The following WDR7 variants were observed in gnomAD, a reference collection of about 807,000 sequenced individuals.
WDR7 encodes the protein WD repeat domain 7, also known as WD repeat-containing protein 7.
A neutral mutation model predicts 169.4 loss-of-function variants in WDR7; 46 were observed. The observed-to-expected ratio is 0.27, with a 90% confidence interval of 0.21 to 0.35. The LOEUF (loss-of-function observed/expected upper bound fraction) is 0.35. Among genes scored for constraint, WDR7 ranks in the 10% least tolerant of loss-of-function variants. The pLI is 1.00. For missense variants in WDR7, 1,534 were observed against 1,859.3 expected (o/e 0.83, Z 3.22); for synonymous variants, 612 against 666.8 (o/e 0.92, Z 1.27).
intron 12 of WDR7, among the ~76,000 whole-genome samples, chr18:56,713,257 C>G (rs529735245): frequency 4.1e-4 from 62 of 152,172 alleles, no homozygotes; most frequent in African/African-American, 1.4e-3. Flanking sequence ...GGAAACCTTC[C>G]TAAGGATCTA....
chr18:57,033,968 G>A (rs1185490996), downstream of WDR7: 2 of 152,144 alleles, frequency 1.3e-5, no homozygotes, highest in Admixed American at 6.6e-5. Flanking sequence ...GGACAATGTG[G>A]TGAAACCCCA....
chr18:56,925,868 C>T (rs888133274), intron 22 of WDR7, among the ~76,000 whole-genome samples: 9 of 152,132 alleles, frequency 5.9e-5, no homozygotes, highest in African/African-American at 1.7e-4. Flanking sequence ...TCTCCCTAGC[C>T]GTATGCCCTC....
intron 14 of WDR7, among the ~76,000 whole-genome samples, chr18:56,741,304 A>G (rs1357305345): frequency 6.6e-6 from 1 of 152,126 alleles, no homozygotes; most frequent in Non-Finnish European, 1.5e-5. Flanking sequence ...TACAAATCCT[A>G]AATGTTATCG....
intron 1 of WDR7, among the ~76,000 whole-genome samples, chr18:56,664,313 G>A (rs999216703): frequency 5.3e-5 from 8 of 152,152 alleles, no homozygotes; most frequent in African/African-American, 1.9e-4. Context: ...GAAGCACCAA[G>A]TTAAAGACCA....
At chr18:56,776,597 T>C (rs775305965) in intron 16 of WDR7, among the ~76,000 whole-genome samples, 185 bp from the exon 17 acceptor site, 53 of 152,220 alleles carry the variant, frequency 3.5e-4, no homozygotes, top group Non-Finnish European at 7.1e-4. Context: ...TACTGTTCAA[T>C]AAAATATATC....
rs953725172 is a variant in WDR7 at position 56,800,997 on chromosome 18, T to C, written c.3191-15034T>C. Among the ~76,000 whole-genome samples the C allele has an allele frequency of 2.0e-5, 3 of 152,188 alleles. No homozygotes were observed. The South Asian group carries it at 6.2e-4, about 32-fold the overall frequency. Reference sequence around the variant, plus strand: ...AAACATATGTATGTGCACTAGCCCATGTATCCCCCACATATCTAGAATTAT... The same window carrying C: ...AAACATATGTATGTGCACTAGCCCACGTATCCCCCACATATCTAGAATTAT... On this transcript the variant is annotated intron_variant, in intron 19 of 27. Transcript: ENST00000254442.
At chr18:56,911,455 G>A (rs2046550573) in intron 21 of WDR7, among the ~76,000 whole-genome samples, 1 of 152,156 alleles carries the variant, frequency 6.6e-6, no homozygotes, top group Admixed American at 6.5e-5. Flanking sequence ...TGTGTAGAAA[G>A]GAAACATTTA....
intron 26 of WDR7, among the ~76,000 whole-genome samples, chr18:57,010,877 C>T (rs1054960962): frequency 1.3e-5 from 2 of 151,980 alleles, no homozygotes; most frequent in Non-Finnish European, 2.9e-5. Flanking sequence ...CCAGTTAAAT[C>T]GAAGGGAAAA....
At chr18:56,800,394 C>G (rs937594781) in intron 19 of WDR7, among the ~76,000 whole-genome samples, 1 of 152,128 alleles carries the variant, frequency 6.6e-6, no homozygotes, top group Non-Finnish European at 1.5e-5. Flanking sequence ...CCAGGCTGAA[C>G]TCAATATATT....
At position 56,844,973 on chromosome 18, in the gene WDR7, T is replaced by G. The variant is rs1015388672; in HGVS notation, c.3304+28829T>G. On this transcript the variant is annotated intron_variant, in intron 20 of 27. Coordinates refer to ENST00000254442, the MANE Select transcript of WDR7 (RefSeq NM_015285.3). ...ATTAGTTATTGTTAATGCCATTCTG[T>G]GCCTAATTTATAAGTTAAACTTTAT... Among the ~76,000 whole-genome samples the G allele has an allele frequency of 3.9e-5, 6 of 152,172 alleles. No homozygotes were observed. The East Asian group carries it at 1.2e-3, about 29-fold the overall frequency.
At chr18:57,025,454 A>G (rs1346610855) in intron 27 of WDR7, among the ~76,000 whole-genome samples, 2 of 152,150 alleles carry the variant, frequency 1.3e-5, no homozygotes, top group East Asian at 3.8e-4. Context: ...GTTTTTGGGA[A>G]AAGGAGAGAA....
chr18:56,917,252 G>A (rs768807557), intron 21 of WDR7, among the ~76,000 whole-genome samples: 3 of 152,050 alleles, frequency 2.0e-5, no homozygotes, highest in Non-Finnish European at 4.4e-5. Context: ...GTGAACTGAA[G>A]GTCCTACTAT....
intron 26 of WDR7, among the ~76,000 whole-genome samples, chr18:56,962,758 G>A (rs2047355588): frequency 1.3e-5 from 2 of 152,146 alleles, no homozygotes; most frequent in South Asian, 4.1e-4. Context: ...AGAGTAAGGT[G>A]GCACTGCTAA....
intron 26 of WDR7, among the ~76,000 whole-genome samples, chr18:56,986,110 G>T (rs1187160014): frequency 6.7e-6 from 1 of 149,364 alleles, no homozygotes; most frequent in Non-Finnish European, 1.5e-5. Flanking sequence ...AATTATAATA[G>T]AGCTAATTTC....
At chr18:56,688,161 G>C (rs2025482965) in intron 7 of WDR7, among the ~76,000 whole-genome samples, 1 of 152,082 alleles carries the variant, frequency 6.6e-6, no homozygotes, top group Admixed American at 6.5e-5. Flanking sequence ...TACAACATGG[G>C]TATCTGACTG....
intron 26 of WDR7, among the ~76,000 whole-genome samples, chr18:57,017,182 A>C (rs2048217339): frequency 6.6e-6 from 1 of 152,222 alleles, no homozygotes; most frequent in Non-Finnish European, 1.5e-5. Flanking sequence ...AACAAAAGAC[A>C]ATGGCAACAT....
intron 25 of WDR7, among the ~76,000 whole-genome samples, chr18:56,955,893 C>T (rs1039694961): frequency 1.3e-5 from 2 of 152,122 alleles, no homozygotes; most frequent in Admixed American, 6.5e-5. Flanking sequence ...AGTATAGATC[C>T]AGGCAATAAG....
chr18:56,676,955 C>A (rs543968120), intron 2 of WDR7, among the ~76,000 whole-genome samples: 1 of 152,098 alleles, frequency 6.6e-6, no homozygotes, highest in Non-Finnish European at 1.5e-5. Context: ...CTTATTGTAC[C>A]GTCTGTGTCT....
At chr18:56,880,961 T>G (rs2046098782) in intron 21 of WDR7, among the ~76,000 whole-genome samples, 1 of 152,200 alleles carries the variant, frequency 6.6e-6, no homozygotes, top group Non-Finnish European at 1.5e-5. Flanking sequence ...AAGGAACAAA[T>G]ATAGTCCAAC....
Sources: gnomAD v4.1 joint callset for allele counts (sites outside exome capture counted in the v4.1 genomes callset) on GRCh38, gnomAD v4.1.1 for gene constraint, MANE v1.5 for transcripts, NCBI Gene and HGNC (gene_info 2026-07-23, HGNC 2026-07-21) for gene names.